The following AVPR1B variants were observed in gnomAD, a reference collection of about 807,000 sequenced individuals.
AVPR1B encodes the protein vasopressin V1b receptor.
A neutral mutation model predicts 27.5 loss-of-function variants in AVPR1B; 25 were observed. The ratio of observed to expected loss-of-function variants is 0.91; its 90% CI spans 0.66 to 1.27. The LOEUF is 1.27. Ranked by LOEUF, AVPR1B falls within the 50% of genes most tolerant of loss-of-function variation. The pLI, the probability that AVPR1B is intolerant of heterozygous loss-of-function variation, is 0.00. For synonymous variants in AVPR1B, 248 were observed against 240.2 expected (o/e 1.03, Z -0.30); for missense variants, 595 against 556.9 (o/e 1.07, Z -0.69).
In AVPR1B at chr1:206,117,147, A is replaced by G. The variant is rs1318815937; in HGVS notation, c.-257T>C. On this transcript the variant is annotated 5_prime_UTR_variant, in exon 1 of 2. Transcript: ENST00000367126. The stretch of plus-strand genomic sequence containing the variant: ...GAAGGAGGGGTCAGGAAGATGGGGA[A>G]TCAGGACGGGAAGAATGGGGGACGC... 1 of 494,548 alleles carries G rather than the reference A, an allele frequency of 2.0e-6. No individual in the cohort carries two copies. Among genetic ancestry groups the G allele is most frequent in the African/African-American group, 2.0e-5 (1 of 50,692 alleles). 30.6% of individuals were successfully genotyped at this position (494,548 alleles called of 1,614,324 possible).
Position 206,107,433 on chromosome 1 carries a change from C to T in AVPR1B, c.*2756G>A, listed in dbSNP as rs1464373423. 6.6e-6 allele frequency among the ~76,000 whole-genome samples: 1 copy of T among 152,144 alleles called. No homozygotes were observed. The highest frequency in any genetic ancestry group is 2.4e-5 in the African/African-American group (1 of 41,418). ...TGTCCAGGCGAGCCTCCTACAGGTCCTGCAGAACTTTCACTCATAGATCCG... is the reference window on the plus strand; with the variant it reads ...TGTCCAGGCGAGCCTCCTACAGGTCTTGCAGAACTTTCACTCATAGATCCG... On this transcript the variant is annotated 3_prime_UTR_variant, in exon 2 of 2. Transcript: ENST00000367126.
In AVPR1B at chr1:206,107,207, G is replaced by T. The variant is rs1216760089; in HGVS notation, c.*2982C>A. ...GTCCTGCTTGTACATAGGTTTTAAG[G>T]GACTAAAGTACTGTCATTCACAGTC... On this transcript the variant is annotated 3_prime_UTR_variant, in exon 2 of 2. Transcript: ENST00000367126. Among the ~76,000 whole-genome samples, 1 of 152,050 alleles carries T rather than the reference G, an allele frequency of 6.6e-6. No individual in the cohort carries two copies. The highest frequency in any genetic ancestry group is 2.4e-5 in the African/African-American group (1 of 41,354).
chr1:206,111,439 T>C (rs1444428647), intron 1 of AVPR1B, among the ~76,000 whole-genome samples: 6 of 152,232 alleles, frequency 3.9e-5, no homozygotes, highest in African/African-American at 1.4e-4. Flanking sequence ...GTTATAGCCA[T>C]GGCATAGGTG....
In AVPR1B at chr1:206,107,618, A is replaced by T. The variant is rs1360543194; in HGVS notation, c.*2571T>A. Among the ~76,000 whole-genome samples the T allele has an allele frequency of 6.6e-6, 1 of 152,218 alleles. No homozygotes were observed. The highest frequency in any genetic ancestry group is 1.5e-5 in the Non-Finnish European group (1 of 68,038). ...ATGGGAGGAACAATGAGGGCTCCAAAGCCACCACCCCAAGTAAATTATTCT... is the reference window on the plus strand; with the variant it reads ...ATGGGAGGAACAATGAGGGCTCCAATGCCACCACCCCAAGTAAATTATTCT... On this transcript the variant is annotated 3_prime_UTR_variant, in exon 2 of 2. Transcript: ENST00000367126.
chr1:206,110,739 G>T (rs1275298317), intron 1 of AVPR1B, among the ~76,000 whole-genome samples: 1 of 152,170 alleles, frequency 6.6e-6, no homozygotes, highest in African/African-American at 2.4e-5. Context: ...TTGTTTGTTT[G>T]TTTTTGTTGT....
chr1:206,116,502 A>G lies in AVPR1B; in HGVS notation c.389T>C (p.Leu130Pro). ...GTGACAGACAGCCAGGTAGCGGTCC[A>G]GCGTCATGGCCAGCAGCATGTAGGT... ...ASTYMLLAMT[L>P]DRYLAVCHPL... Residue 130 changes from leucine (L) to proline (P), a missense_variant, in exon 1 of 2, where the codon CTG (leucine) becomes CCG (proline). By Grantham distance (98) the Leu-to-Pro change is moderately conservative. Coordinates refer to ENST00000367126, the MANE Select transcript of AVPR1B (RefSeq NM_000707.5). The G allele has an allele frequency of 6.2e-7, 1 of 1,614,088 alleles. No individual in the cohort carries two copies. Among genetic ancestry groups the G allele is most frequent in the Non-Finnish European group, 8.5e-7 (1 of 1,180,002 alleles).
chr1:206,110,712 GTC>G (rs1553289734), intron 1 of AVPR1B, among the ~76,000 whole-genome samples, 189 bp from the exon 2 acceptor site: 1 of 152,210 alleles, frequency 6.6e-6, no homozygotes. Flanking sequence ...TGGCTCCAGA[GTC>G]TTACCATGCT....
Position 206,109,816 on chromosome 1 carries a change from G to A in AVPR1B, c.*373C>T, listed in dbSNP as rs1553289444. ...TGCCAGTCAGGTTAGAATGGAGACAGGTAGCCAGGGCACAAGGCCAGCCTC... is the reference window on the plus strand; with the variant it reads ...TGCCAGTCAGGTTAGAATGGAGACAAGTAGCCAGGGCACAAGGCCAGCCTC... On this transcript the variant is annotated 3_prime_UTR_variant, in exon 2 of 2. Transcript: ENST00000367126. 1 of 201,708 alleles carries A rather than the reference G, an allele frequency of 5.0e-6. No individual in the cohort carries two copies. The highest frequency in any genetic ancestry group is 9.9e-6 in the Non-Finnish European group (1 of 100,884). The allele number at this position is 201,708 out of a possible 1,614,324, so 12.5% of individuals were successfully genotyped here.
chr1:206,107,165 TC>T lies in AVPR1B; in HGVS notation c.*3023del, dbSNP rs372514354. Among the ~76,000 whole-genome samples the T allele has an allele frequency of 3.3e-5, 5 of 152,316 alleles. No homozygotes were observed. Among genetic ancestry groups the T allele is most frequent in the African/African-American group, 1.2e-4 (5 of 41,564 alleles). Reference sequence around the variant, plus strand: ...TGAACCCCTCCTGTCCTCCTCTCTGTCCCGTCTGCCCCTCATGTCCTGCTTG... The same window carrying T: ...TGAACCCCTCCTGTCCTCCTCTCTGTCCGTCTGCCCCTCATGTCCTGCTTG... On this transcript the variant is annotated 3_prime_UTR_variant, in exon 2 of 2. Coordinates refer to ENST00000367126, the MANE Select transcript of AVPR1B (RefSeq NM_000707.5).
chr1:206,110,838 A>T (rs978049181), intron 1 of AVPR1B, among the ~76,000 whole-genome samples: 1 of 152,210 alleles, frequency 6.6e-6, no homozygotes, highest in Non-Finnish European at 1.5e-5. Context: ...CAGCCCAGAT[A>T]GGAGAAACTG....
Position 206,116,770 on chromosome 1 carries a change from G to C in AVPR1B, c.121C>G (p.Leu41Val). 1.2e-6 allele frequency: 2 copies of C among 1,613,470 alleles called. No homozygotes were observed. Among genetic ancestry groups the C allele is most frequent in the South Asian group, 2.2e-5 (2 of 90,968 alleles). The change falls in exon 1 of 2, where the codon CTG (leucine) becomes GTG (valine). Residue 41 changes from leucine to valine, a missense_variant. Leu to Val is a conservative substitution (Grantham distance 32, BLOSUM62 1). Coordinates refer to ENST00000367126, the MANE Select transcript of AVPR1B (RefSeq NM_000707.5). ...GTCGCCAGCACCAGGACAGTGGCCA[G>C]GACTCCGATCTCCACCTTGGCCAGC... The part of the protein sequence containing the change: ...EELAKVEIGV[L>V]ATVLVLATGG...
At position 206,117,119 on chromosome 1, in the gene AVPR1B, G is replaced by A. The variant is rs576843542; in HGVS notation, c.-229C>T. On this transcript the variant is annotated 5_prime_UTR_variant, in exon 1 of 2. Coordinates refer to ENST00000367126, the MANE Select transcript of AVPR1B (RefSeq NM_000707.5). ...TGTGACTGGGATCGACCCAGGAGAG[G>A]GAGAAGGAGGGGTCAGGAAGATGGG... The A allele has an allele frequency of 3.4e-4, 194 of 564,812 alleles. 4 individuals are homozygous for A. In the South Asian group the frequency reaches 4.0e-3, roughly 12 times the overall value. 35.0% of individuals were successfully genotyped at this position (564,812 alleles called of 1,614,324 possible). A position where few individuals can be genotyped will look rare whatever the true frequency, so the allele number is the denominator to read the frequency against.
chr1:206,113,619 C>G (rs971664116), intron 1 of AVPR1B, among the ~76,000 whole-genome samples: 1 of 152,184 alleles, frequency 6.6e-6, no homozygotes, highest in African/African-American at 2.4e-5. Flanking sequence ...GTAGGAAAGT[C>G]TGCACTGGCT....
At chr1:206,114,946 G>A (rs1197009648) in intron 1 of AVPR1B, among the ~76,000 whole-genome samples, 1 of 152,202 alleles carries the variant, frequency 6.6e-6, no homozygotes, top group East Asian at 1.9e-4. Flanking sequence ...CAAAACAAAA[G>A]TTATATGAAG....
Position 206,108,812 on chromosome 1 carries a change from T to C in AVPR1B, c.*1377A>G, listed in dbSNP as rs1663322050. Among the ~76,000 whole-genome samples, 1 of 152,174 alleles carries C rather than the reference T, an allele frequency of 6.6e-6. No homozygotes were observed. The highest frequency in any genetic ancestry group is 2.4e-5 in the African/African-American group (1 of 41,454). On this transcript the variant is annotated 3_prime_UTR_variant, in exon 2 of 2. Coordinates refer to ENST00000367126, the MANE Select transcript of AVPR1B (RefSeq NM_000707.5). ...TGCCATGATAAAAGTCCCCTGGAGATAATGAGCATGTGCCATGCTCTTCCT... is the reference window on the plus strand; with the variant it reads ...TGCCATGATAAAAGTCCCCTGGAGACAATGAGCATGTGCCATGCTCTTCCT...
intron 1 of AVPR1B, among the ~76,000 whole-genome samples, chr1:206,115,580 G>A (rs562241111): frequency 5.6e-4 from 85 of 152,318 alleles, no homozygotes; most frequent in Non-Finnish European, 8.5e-4. Flanking sequence ...GGAGGGACAA[G>A]GCTGAGAGAG....
At position 206,110,430 on chromosome 1, in the gene AVPR1B, A is replaced by G. The variant is rs998343656; in HGVS notation, c.1034T>C (p.Leu345Pro). The G allele has an allele frequency of 1.1e-5, 17 of 1,613,862 alleles. No individual in the cohort carries two copies. The highest frequency in any genetic ancestry group is 3.3e-5 in the Admixed American group (2 of 59,982). ...PWIYMGFNSH[L>P]LPRPLRHLAC... ...AAGGTGACGCAGGGGCCGCGGTAAC[A>G]GGTGGCTGTTGAAGCCCATGTAGAT... Residue 345 changes from leucine to proline, a missense_variant, in exon 2 of 2, where the codon CTG becomes CCG. Transcript: ENST00000367126.
rs1553289625 is a variant in AVPR1B, at chr1:206,110,401, A to G, written c.1063T>C (p.Cys355Arg). 6.2e-7 allele frequency: 1 copy of G among 1,613,076 alleles called. No individual in the cohort carries two copies. Among genetic ancestry groups the G allele is most frequent in the African/African-American group, 1.3e-5 (1 of 75,040 alleles). ...LLPRPLRHLA[C>R]CGGPQPRMRR... ...ATCCTGGGCTGGGGACCCCCACAGC[A>G]GGCAAGGTGACGCAGGGGCCGCGGT... Residue 355 changes from cysteine to arginine, a missense_variant, in exon 2 of 2, where the codon TGC (cysteine) becomes CGC (arginine). By Grantham distance (180) the Cys-to-Arg change is radical (BLOSUM62 -3). Transcript: ENST00000367126.
chr1:206,111,431 T>C (rs33971119), intron 1 of AVPR1B, among the ~76,000 whole-genome samples: 2 of 152,134 alleles, frequency 1.3e-5, no homozygotes, highest in Non-Finnish European at 2.9e-5. Flanking sequence ...CTGTCATGGT[T>C]ATAGCCATGG....
Sources: gnomAD v4.1 joint callset for allele counts (sites outside exome capture counted in the v4.1 genomes callset) on GRCh38, gnomAD v4.1.1 for gene constraint, MANE v1.5 for transcripts, NCBI Gene and HGNC (gene_info 2026-07-23, HGNC 2026-07-21) for gene names.